DNAH8: variants seen among roughly 807,000 people sequenced by gnomAD.
DNAH8 encodes the protein axonemal beta dynein heavy chain 8.
In DNAH8, 382 loss-of-function variants were observed where a neutral mutation model predicts 562.1. The observed-to-expected ratio is 0.68, with a 90% CI of 0.63 to 0.74. DNAH8 has a LOEUF of 0.74. DNAH8 is among the 30% of genes least tolerant of loss of function. The pLI, the probability that DNAH8 is intolerant of heterozygous loss-of-function variation, is 0.00. For synonymous variants in DNAH8, 1,881 were observed against 1,919.4 expected, an observed-to-expected ratio of 0.98 and a Z score of 0.52; for missense variants, 5,203 against 5,620.4, an observed-to-expected ratio of 0.93 and a Z score of 2.37.
At chr6:38,739,869 A>T (rs1387700481) in intron 7 of DNAH8, among the ~76,000 whole-genome samples, 1 of 152,112 alleles carries the variant, frequency 6.6e-6, no homozygotes, top group Non-Finnish European at 1.5e-5. Context: ...TGTTTAATCC[A>T]TCTGGAATTG....
chr6:38,828,524 A>G (rs1026744262), intron 30 of DNAH8, among the ~76,000 whole-genome samples: 4 of 152,184 alleles, frequency 2.6e-5, no homozygotes, highest in Non-Finnish European at 5.9e-5. Flanking sequence ...TGCCTTCAGC[A>G]TTCAGTATAG....
chr6:38,822,782 T>A, intron 26 of DNAH8, 56 bp from the exon 27 acceptor site: 2 of 1,224,104 alleles, frequency 1.6e-6, no homozygotes, highest in Non-Finnish European at 2.2e-6. Context: ...TTAAAACTGA[T>A]AATATTTAAA....
chr6:38,894,655 T>C (rs1326146861), intron 58 of DNAH8, 46 bp from the exon 59 acceptor site: 1 of 1,466,148 alleles, frequency 6.8e-7, no homozygotes, highest in Non-Finnish European at 9.5e-7. Flanking sequence ...CTACTTTTAG[T>C]TGTATCTGAA....
chr6:38,729,160 G>A (rs903952254), intron 3 of DNAH8, among the ~76,000 whole-genome samples: 1 of 152,020 alleles, frequency 6.6e-6, no homozygotes, highest in Non-Finnish European at 1.5e-5. Flanking sequence ...CCGAGATCGC[G>A]CTACTGCACT....
intron 85 of DNAH8, among the ~76,000 whole-genome samples, chr6:38,977,158 G>C (rs73412406): frequency 0.047 from 7,089 of 152,316 alleles, 548 homozygotes; most frequent in African/African-American, 0.16. Context: ...AACTTGGGCA[G>C]AAGAGTGGTG....
At chr6:38,969,323 G>A (rs2150684320) in intron 82 of DNAH8, among the ~76,000 whole-genome samples, 1 of 152,210 alleles carries the variant, frequency 6.6e-6, no homozygotes, top group Non-Finnish European at 1.5e-5. Context: ...TATATTTATT[G>A]AGCATCTACT....
intron 35 of DNAH8, among the ~76,000 whole-genome samples, chr6:38,843,785 C>T (rs538741241): frequency 1.3e-5 from 2 of 152,108 alleles, no homozygotes; most frequent in Admixed American, 6.5e-5. Flanking sequence ...TGGGAGGACT[C>T]ATTTTGAATG....
intron 87 of DNAH8, 162 bp downstream of exon 87, chr6:38,984,469 T>TGC (rs1491365935): frequency 1.1e-5 from 6 of 542,500 alleles, no homozygotes; most frequent in African/African-American, 1.0e-4. Flanking sequence ...CGCACACACA[T>TGC]GCACACACAC....
intron 80 of DNAH8, 147 bp from the exon 81 acceptor site, chr6:38,949,305 A>G (rs989707956): frequency 1.9e-5 from 12 of 647,542 alleles, no homozygotes; most frequent in Non-Finnish European, 3.1e-5. Context: ...CAAGTCATTG[A>G]TCCTGAAGAA....
At chr6:38,854,883 A>G (rs1776060610) in intron 41 of DNAH8, among the ~76,000 whole-genome samples, 1 of 149,150 alleles carries the variant, frequency 6.7e-6, no homozygotes, top group Non-Finnish European at 1.5e-5. Flanking sequence ...TGTATTTAAT[A>G]TATATACATA....
At chr6:38,865,916 C>A (rs1191153687) in intron 45 of DNAH8, among the ~76,000 whole-genome samples, 1 of 152,194 alleles carries the variant, frequency 6.6e-6, no homozygotes, top group Non-Finnish European at 1.5e-5. Flanking sequence ...TAAAATAACT[C>A]ATTCCTGTTG....
intron 9 of DNAH8, among the ~76,000 whole-genome samples, chr6:38,755,138 G>A (rs539342110): frequency 9.2e-5 from 14 of 152,132 alleles, no homozygotes; most frequent in African/African-American, 3.4e-4. Context: ...GTATTATGTA[G>A]GAGTTAGATT....
rs765124150 is a variant in DNAH8, at chr6:38,921,371, C to T, written c.10527C>T (p.Ala3509=). 1 of 1,612,538 alleles carries T rather than the reference C, an allele frequency of 6.2e-7. No individual in the cohort carries two copies. The highest frequency in any genetic ancestry group is 1.7e-5 in the Admixed American group (1 of 59,734). Residue 3509 remains alanine, a splice_region_variant and synonymous_variant, in exon 71 of 93, where the codon GCC becomes GCT. Transcript: ENST00000327475. ...TAACCACGTCTTCTTCTTTTCAGGC[C>T]AACCTGGCCAAGCAGGAAGGCCGGT... The part of the protein sequence containing the change: ...GINREVLPLK[A]NLAKQEGRLA...
At chr6:38,862,865 C>A (rs1010046429) in intron 44 of DNAH8, among the ~76,000 whole-genome samples, 2 of 152,060 alleles carry the variant, frequency 1.3e-5, no homozygotes, top group African/African-American at 4.8e-5. Context: ...TTGAGAAAAT[C>A]CTGAAAGGTA....
chr6:38,917,239 A>C lies in DNAH8; in HGVS notation c.10141A>C (p.Thr3381Pro). The C allele has an allele frequency of 6.2e-7, 1 of 1,603,786 alleles. No individual in the cohort carries two copies. ...TATTGATCCTTAATCCCAAATATAGACTATCAAGCCAAATGATATTGCCAC... is the reference window on the plus strand; with the variant it reads ...TATTGATCCTTAATCCCAAATATAGCCTATCAAGCCAAATGATATTGCCAC... ...ALEEAEAALN[T>P]IKPNDIATVR... Residue 3381 changes from threonine (T) to proline (P), a missense_variant and splice_region_variant, in exon 69 of 93, where the codon ACT becomes CCT. Coordinates refer to ENST00000327475, the MANE Select transcript of DNAH8 (RefSeq NM_001206927.2).
Position 38,805,255 on chromosome 6 carries a change from T to C in DNAH8, c.3035-226T>C, listed in dbSNP as rs116326479. Among the ~76,000 whole-genome samples the C allele has an allele frequency of 7.8e-4, 119 of 152,368 alleles. 1 individual carries two copies. The highest frequency in any genetic ancestry group is 5.2e-3 in the South Asian group (25 of 4,830). The stretch of plus-strand genomic sequence containing the variant: ...TTTTCTGAATTCTAGATTGTATATT[T>C]ACAGAGTGTATTTCTTAGTAGAATG... On this transcript the variant is annotated intron_variant, in intron 22 of 92. Transcript: ENST00000327475.
chr6:38,823,474 G>A, intron 27 of DNAH8, 88 bp from the exon 28 acceptor site: 1 of 1,018,458 alleles, frequency 9.8e-7, no homozygotes. Context: ...AAGTGTAAAT[G>A]TGTATGAGCA....
At chr6:38,920,354 C>T (rs773209449) in intron 70 of DNAH8, among the ~76,000 whole-genome samples, 3 of 152,040 alleles carry the variant, frequency 2.0e-5, no homozygotes, top group Non-Finnish European at 2.9e-5. Context: ...GGAAAAGGAG[C>T]TAAATTCAAA....
chr6:38,945,398 T>C (rs1761320079), intron 79 of DNAH8, 69 bp from the exon 80 acceptor site: 2 of 1,528,000 alleles, frequency 1.3e-6, no homozygotes, highest in African/African-American at 1.4e-5. Flanking sequence ...CTTTTATTAT[T>C]TGAAAAGTAC....
Sources: allele counts gnomAD v4.1 joint callset (sites outside exome capture counted in the v4.1 genomes callset), GRCh38; gene constraint gnomAD v4.1.1; transcripts MANE v1.5; gene names NCBI Gene and HGNC (gene_info 2026-07-23, HGNC 2026-07-21).